ZNF440: variants seen among roughly 807,000 people sequenced by gnomAD.
The protein encoded by ZNF440 is zinc finger protein 440.
A neutral mutation model predicts 49.7 loss-of-function variants in ZNF440; 47 were observed. The observed-to-expected ratio is 0.95, with a 90% CI of 0.75 to 1.21. The LOEUF is 1.21. ZNF440 is among the 50% of genes most tolerant of loss of function. The pLI, the probability that ZNF440 is intolerant of heterozygous loss-of-function variation, is 0.00. For missense variants in ZNF440, 703 were observed against 715.0 expected (o/e 0.98, Z 0.19); for synonymous variants, 255 against 237.7 (o/e 1.07, Z -0.67).
chr19:11,819,454 G>A (rs1387277722), intron 1 of ZNF440, among the ~76,000 whole-genome samples: 10 of 151,902 alleles, frequency 6.6e-5, no homozygotes, highest in Non-Finnish European at 1.2e-4. Flanking sequence ...GCTGGAGCGC[G>A]GTGGCACCAT....
chr19:11,830,557 A>G, intron 2 of ZNF440, 60 bp from the exon 3 acceptor site: 1 of 1,602,116 alleles, frequency 6.2e-7, no homozygotes. Flanking sequence ...CGTAGAATCT[A>G]ATAATTTTTT....
Position 11,832,109 on chromosome 19 carries a change from C to T in ZNF440, c.933C>T (p.Leu311=). Residue 311 remains leucine, a synonymous_variant, in exon 4 of 4, where the codon CTC becomes CTT. Transcript: ENST00000304060. ...AAAGGACCCACTCTAGGAAAAATCT[C>T]TATGAATGTAAGCAGTGTGGGAAAG... ...IHERTHSRKN[L]YECKQCGKAL... The T allele has an allele frequency of 1.2e-6, 2 of 1,614,102 alleles. No individual in the cohort carries two copies. The highest frequency in any genetic ancestry group is 8.5e-7 in the Non-Finnish European group (1 of 1,179,986).
chr19:11,832,815 A>G lies in ZNF440; in HGVS notation c.1639A>G (p.Asn547Asp). The change falls in exon 4 of 4, where the codon AAT becomes GAT. Residue 547 changes from asparagine to aspartate, a missense_variant. Physicochemically the swap from Asn to Asp is conservative, Grantham distance 23. Transcript: ENST00000304060. ...GAAGAGAAACCCTATGAGTGTGAGC[A>G]ATGACGGAAAGCCTTCAGATCTGCC... is the stretch of plus-strand genomic sequence containing the variant. Reference protein sequence around the residue: ...TLKRNPMSVSNDGKPSDLPHT... With the variant: ...TLKRNPMSVSDDGKPSDLPHT... 6.2e-7 allele frequency: 1 copy of G among 1,614,034 alleles called. No individual in the cohort carries two copies. The highest frequency in any genetic ancestry group is 8.5e-7 in the Non-Finnish European group (1 of 1,179,984).
At chr19:11,829,511 T>G (rs1484732999) in intron 1 of ZNF440, among the ~76,000 whole-genome samples, 1 of 152,070 alleles carries the variant, frequency 6.6e-6, no homozygotes, top group Admixed American at 6.6e-5. Context: ...AACTTTGTTT[T>G]GCCTATGAAT....
chr19:11,818,519 AAGG>A (rs1975760168), intron 1 of ZNF440, among the ~76,000 whole-genome samples: 1 of 152,174 alleles, frequency 6.6e-6, no homozygotes, highest in Non-Finnish European at 1.5e-5. Flanking sequence ...TTTTCCATAG[AAGG>A]CTGATGTATG....
At position 11,832,059 on chromosome 19, in the gene ZNF440, T is replaced by G. The variant is rs892392283; in HGVS notation, c.883T>G (p.Cys295Gly). The G allele has an allele frequency of 1.5e-5, 24 of 1,614,164 alleles. No homozygotes were observed. The highest frequency in any genetic ancestry group is 2.0e-5 in the Non-Finnish European group (24 of 1,180,018). ...TAAGGAATGTGGAAAAGCATTCACG[T>G]GTCCCCGTTATGTTCGTATACATGA... is the stretch of plus-strand genomic sequence containing the variant. ...QCKECGKAFT[C>G]PRYVRIHERT... The change falls in exon 4 of 4, where the codon TGT becomes GGT. Residue 295 changes from cysteine (C) to glycine (G), a missense_variant. Transcript: ENST00000304060.
At position 11,831,820 on chromosome 19, in the gene ZNF440, A is replaced by G; in HGVS notation, c.644A>G (p.Tyr215Cys). The change falls in exon 4 of 4, where the codon TAT becomes TGT. Residue 215 changes from tyrosine (Y) to cysteine (C), a missense_variant. Coordinates refer to ENST00000304060, the MANE Select transcript of ZNF440 (RefSeq NM_152357.3). ...AAAGCATTCCATTGTCTCAGATTAT[A>G]TCTTATCCATGAAAGAATTCACACT... ...CGKAFHCLRLYLIHERIHTGE... is the reference protein window; with the variant it reads ...CGKAFHCLRLCLIHERIHTGE... 2 of 1,609,344 alleles carry G rather than the reference A, an allele frequency of 1.2e-6. No homozygotes were observed. The highest frequency in any genetic ancestry group is 1.7e-6 in the Non-Finnish European group (2 of 1,176,486).
intron 1 of ZNF440, among the ~76,000 whole-genome samples, chr19:11,828,687 CTTT>C (rs201282862): frequency 2.9e-5 from 4 of 138,552 alleles, no homozygotes; most frequent in African/African-American, 2.6e-5. Context: ...TTTTCTTTTT[CTTT>C]TTTTTTTTTT....
chr19:11,829,693 TGTG>T (rs1975909549), intron 1 of ZNF440, among the ~76,000 whole-genome samples: 1 of 152,076 alleles, frequency 6.6e-6, no homozygotes, highest in Admixed American at 6.6e-5. Context: ...ACTAGCCAGG[TGTG>T]GTGGCACATG....
intron 1 of ZNF440, among the ~76,000 whole-genome samples, chr19:11,828,705 A>G (rs955623141): frequency 8.8e-5 from 13 of 146,914 alleles, no homozygotes; most frequent in African/African-American, 2.5e-4. Context: ...TTTTTTTTGA[A>G]TCAAGTTTCA....
chr19:11,830,143 G>A (rs1217787986), intron 1 of ZNF440, 140 bp from the exon 2 acceptor site: 2 of 1,491,674 alleles, frequency 1.3e-6, no homozygotes, highest in East Asian at 2.3e-5. Flanking sequence ...AGTATACACA[G>A]GGAGAAAGAG....
rs545942231 is a variant in ZNF440 at position 11,832,665 on chromosome 19, G to C, written c.1489G>C (p.Val497Leu). The C allele has an allele frequency of 6.2e-7, 1 of 1,613,064 alleles. No individual in the cohort carries two copies. Among genetic ancestry groups the C allele is most frequent in the African/African-American group, 1.3e-5 (1 of 74,762 alleles). Reference sequence around the variant, plus strand: ...CAAGCAACGTTCAGTAGTTCCTTCAGTAGTTCCAGTTCCTTTTGATATCAT... The same window carrying C: ...CAAGCAACGTTCAGTAGTTCCTTCACTAGTTCCAGTTCCTTTTGATATCAT... ...ECKQRSVVPS[V>L]VPVPFDIMKG... The change falls in exon 4 of 4, where the codon GTA becomes CTA. Residue 497 changes from valine to leucine, a missense_variant. Physicochemically the swap from Val to Leu is conservative, Grantham distance 32 (BLOSUM62 1). Coordinates refer to ENST00000304060, the MANE Select transcript of ZNF440 (RefSeq NM_152357.3).
chr19:11,830,872 G>T (rs1975928385), intron 3 of ZNF440, among the ~76,000 whole-genome samples, 195 bp downstream of exon 3: 2 of 152,188 alleles, frequency 1.3e-5, no homozygotes, highest in African/African-American at 4.8e-5. Flanking sequence ...CCTTTGAGAA[G>T]TGGAGATAGG....
chr19:11,832,513 A>T lies in ZNF440; in HGVS notation c.1337A>T (p.Gln446Leu). The part of the protein sequence containing the change: ...VNNLQSHERT[Q>L]THIRIHSGER... The stretch of plus-strand genomic sequence containing the variant: ...AACCTTCAAAGTCATGAAAGGACAC[A>T]AACACACATAAGAATACACTCTGGA... Residue 446 changes from glutamine to leucine, a missense_variant, in exon 4 of 4, where the codon CAA becomes CTA. Coordinates refer to ENST00000304060, the MANE Select transcript of ZNF440 (RefSeq NM_152357.3). 6.2e-7 allele frequency: 1 copy of T among 1,614,160 alleles called. No individual in the cohort carries two copies. The highest frequency in any genetic ancestry group is 8.5e-7 in the Non-Finnish European group (1 of 1,180,014).
In ZNF440 at chr19:11,832,220, CT is replaced by C; in HGVS notation, c.1048del (p.Cys350ValfsTer3). 6.2e-7 allele frequency: 1 copy of C among 1,614,028 alleles called. No homozygotes were observed. The highest frequency in any genetic ancestry group is 8.5e-7 in the Non-Finnish European group (1 of 1,180,002). On this transcript the variant is annotated frameshift_variant, in exon 4 of 4. Transcript: ENST00000304060. LOFTEE classifies it high-confidence loss of function. ...ATGAATGTAAGATATGTGGAAAAGA[CT>C]TTTGTTCTGTGAATTCATTTCAAAG... ...PYECKICGKD[F>X]CSVNSFQRHE... is the part of the protein sequence containing the mutation.
intron 1 of ZNF440, among the ~76,000 whole-genome samples, chr19:11,825,099 C>T (rs1276640350): frequency 6.6e-6 from 1 of 152,006 alleles, no homozygotes; most frequent in East Asian, 1.9e-4. Context: ...AGCAGGACAG[C>T]TTGGACTCGG....
intron 1 of ZNF440, among the ~76,000 whole-genome samples, chr19:11,825,129 G>A (rs1158973541): frequency 3.3e-5 from 5 of 151,326 alleles, no homozygotes; most frequent in Non-Finnish European, 7.4e-5. Flanking sequence ...GCCAGCCTAG[G>A]CAACATAGCA....
Position 11,833,140 on chromosome 19 carries a change from TG to T in ZNF440, c.*178del. 1.4e-6 allele frequency: 2 copies of T among 1,383,712 alleles called. No individual in the cohort carries two copies. Among genetic ancestry groups the T allele is most frequent in the South Asian group, 1.2e-5 (1 of 84,134 alleles). 85.7% of individuals were successfully genotyped at this position (1,383,712 alleles called of 1,614,324 possible). ...TTCGATATCATGAAAGGACTCACAC[TG>T]GAGAGAACCCCTATGAGTGTAAGCA... On this transcript the variant is annotated 3_prime_UTR_variant, in exon 4 of 4. Coordinates refer to ENST00000304060, the MANE Select transcript of ZNF440 (RefSeq NM_152357.3).
intron 1 of ZNF440, among the ~76,000 whole-genome samples, chr19:11,826,793 A>T (rs1356033613): frequency 1.3e-5 from 2 of 151,020 alleles, no homozygotes; most frequent in Non-Finnish European, 2.9e-5. Flanking sequence ...ACTCCCGAAT[A>T]GCTGGGATTA....
Sources: gnomAD v4.1 joint callset for allele counts (sites outside exome capture counted in the v4.1 genomes callset) on GRCh38, gnomAD v4.1.1 for gene constraint, MANE v1.5 for transcripts, NCBI Gene and HGNC (gene_info 2026-07-23, HGNC 2026-07-21) for gene names.